PDGFRA: variants seen among roughly 807,000 people sequenced by gnomAD.
The protein encoded by PDGFRA is platelet derived growth factor receptor alpha.
A neutral mutation model predicts 121.5 loss-of-function variants in PDGFRA; 25 were observed. That is an observed-to-expected ratio of 0.21 (90% CI 0.15 to 0.29). The LOEUF is 0.29. PDGFRA is among the 10% of genes least tolerant of loss of function. PDGFRA has a pLI of 1.00. For missense variants in PDGFRA, 1,008 were observed against 1,345.1 expected (o/e 0.75, Z 3.92); for synonymous variants, 463 against 494.8 (o/e 0.94, Z 0.85).
rs1577741455 is a variant in PDGFRA, at chr4:54,285,391, C to G, written c.2344C>G (p.Leu782Val). Residue 782 changes from leucine (L) to valine (V), a missense_variant, in exon 17 of 23, where the codon CTT (leucine) becomes GTT (valine). Leu to Val is a conservative substitution (Grantham distance 32). Transcript: ENST00000257290. ...SMLDSEVKNL[L>V]SDDNSEGLTL... ...TGCAGACTCAGAAGTCAAAAACCTC[C>G]TTTCAGATGATAACTCAGAAGGCCT... is the stretch of plus-strand genomic sequence containing the variant. 1 of 1,497,768 alleles carries G rather than the reference C, an allele frequency of 6.7e-7. No homozygotes were observed. The highest frequency in any genetic ancestry group is 9.3e-7 in the Non-Finnish European group (1 of 1,073,642). 92.8% of individuals were successfully genotyped at this position (1,497,768 alleles called of 1,614,324 possible). A position where few individuals can be genotyped will look rare whatever the true frequency, so the allele number is the denominator to read the frequency against.
At chr4:54,271,411 C>T (rs946758621) in intron 8 of PDGFRA, among the ~76,000 whole-genome samples, 4 of 152,302 alleles carry the variant, frequency 2.6e-5, no homozygotes, top group African/African-American at 9.6e-5. Context: ...AATAACATAC[C>T]ACAGATGCAT....
chr4:54,234,990 G>A (rs1253438943), intron 1 of PDGFRA, among the ~76,000 whole-genome samples: 1 of 152,108 alleles, frequency 6.6e-6, no homozygotes, highest in African/African-American at 2.4e-5. Context: ...ATGGAGCTCC[G>A]GGAGATCAAA....
chr4:54,258,387 A>C (rs1168778585), intron 1 of PDGFRA, among the ~76,000 whole-genome samples: 1 of 152,176 alleles, frequency 6.6e-6, no homozygotes, highest in Non-Finnish European at 1.5e-5. Flanking sequence ...AAAGTTGTAG[A>C]GAGTGTGACC....
intron 1 of PDGFRA, among the ~76,000 whole-genome samples, chr4:54,245,106 A>G (rs1721558542): frequency 6.6e-6 from 1 of 152,380 alleles, no homozygotes; most frequent in Admixed American, 6.5e-5. Context: ...TGTACCTGAA[A>G]GTGACGGGGA....
chr4:54,237,161 G>A (rs1212852803), intron 1 of PDGFRA, among the ~76,000 whole-genome samples: 1 of 152,106 alleles, frequency 6.6e-6, no homozygotes, highest in African/African-American at 2.4e-5. Context: ...GTAGAGATGG[G>A]GTTTCATCAT....
At chr4:54,237,175 G>A (rs759852231) in intron 1 of PDGFRA, among the ~76,000 whole-genome samples, 5 of 152,046 alleles carry the variant, frequency 3.3e-5, no homozygotes, top group Non-Finnish European at 5.9e-5. Flanking sequence ...TCATCATGTC[G>A]GCCAGGATGG....
chr4:54,253,337 T>C (rs1722169159), intron 1 of PDGFRA, among the ~76,000 whole-genome samples: 1 of 152,238 alleles, frequency 6.6e-6, no homozygotes, highest in South Asian at 2.1e-4. Flanking sequence ...CAGACCTTAC[T>C]AGTCGTGCTT....
At chr4:54,245,243 A>G (rs1721571044) in intron 1 of PDGFRA, among the ~76,000 whole-genome samples, 1 of 152,182 alleles carries the variant, frequency 6.6e-6, no homozygotes, top group African/African-American at 2.4e-5. Flanking sequence ...CCTCGAGAAG[A>G]GCAACTCCAA....
At position 54,285,415 on chromosome 4, in the gene PDGFRA, CT is replaced by C; in HGVS notation, c.2370del (p.Thr791LeufsTer6). 6.3e-7 allele frequency: 1 copy of C among 1,581,354 alleles called. No individual in the cohort carries two copies. Among genetic ancestry groups the C allele is most frequent in the Non-Finnish European group, 8.7e-7 (1 of 1,150,292 alleles). On this transcript the variant is annotated frameshift_variant, in exon 17 of 23. Coordinates refer to ENST00000257290, the MANE Select transcript of PDGFRA (RefSeq NM_006206.6). LOFTEE classifies it high-confidence loss of function. ...CCTTTCAGATGATAACTCAGAAGGC[CT>C]TACTTTATTGGATTTGTTGAGCTTC... ...NLLSDDNSEG[L>X]TLLDLLSFTY...
chr4:54,235,560 G>A (rs1162677295), intron 1 of PDGFRA, among the ~76,000 whole-genome samples: 1 of 152,232 alleles, frequency 6.6e-6, no homozygotes, highest in Non-Finnish European at 1.5e-5. Flanking sequence ...TTCTGTGACT[G>A]TATATATTGG....
In PDGFRA at chr4:54,278,011, G is replaced by C. The variant is rs1723833621; in HGVS notation, c.2002+5G>C. The stretch of plus-strand genomic sequence containing the variant: ...TGGGAGCCTGCACCAAGTCAGGTGG[G>C]CTCACTGACCTGGAGTGAGGATTTT... On this transcript the variant is annotated splice_donor_5th_base_variant and intron_variant, in intron 14 of 22. Transcript: ENST00000257290. 1 of 1,553,576 alleles carries C rather than the reference G, an allele frequency of 6.4e-7. No homozygotes were observed. The highest frequency in any genetic ancestry group is 8.9e-7 in the Non-Finnish European group (1 of 1,124,800).
intron 2 of PDGFRA, 94 bp from the exon 3 acceptor site, chr4:54,261,001 G>T (rs1391474349): frequency 4.5e-6 from 5 of 1,122,936 alleles, no homozygotes; most frequent in Non-Finnish European, 6.6e-6. Flanking sequence ...AATGGTCATT[G>T]TTCATCTAAG....
rs9993826 is a variant in PDGFRA, at chr4:54,258,660, T to G, written c.-12-97T>G. 1.2e-3 allele frequency: 967 copies of G among 809,110 alleles called. 7 individuals carry two copies. In the African/African-American group the frequency reaches 0.014, roughly 12 times the overall value. 50.1% of individuals were successfully genotyped at this position (809,110 alleles called of 1,614,324 possible). A position where few individuals can be genotyped will look rare whatever the true frequency, so the allele number is the denominator to read the frequency against. ...GGGACATGTTTGACTAAAATGATGC[T>G]GTTAATATTTTCTGTTGTGCAAAAC... On this transcript the variant is annotated intron_variant, in intron 1 of 22. Transcript: ENST00000257290.
At position 54,274,604 on chromosome 4, in the gene PDGFRA, C is replaced by A. The variant is rs748519030; in HGVS notation, c.1632C>A (p.Val544=). ...LLVIVIISLI[V]LVVIWKQKPR... is the part of the protein sequence containing the mutation. ...TGATTGTGATCATCTCACTTATTGTCCTGGTTGTCATTTGGAAACAGGTAG... is the reference window on the plus strand; with the variant it reads ...TGATTGTGATCATCTCACTTATTGTACTGGTTGTCATTTGGAAACAGGTAG... Residue 544 remains valine (V), a synonymous_variant, in exon 11 of 23, where the codon GTC becomes GTA. Transcript: ENST00000257290. 1.2e-6 allele frequency: 2 copies of A among 1,613,156 alleles called. No homozygotes were observed. Among genetic ancestry groups the A allele is most frequent in the East Asian group, 2.2e-5 (1 of 44,882 alleles).
At chr4:54,257,857 T>C (rs920507933) in intron 1 of PDGFRA, among the ~76,000 whole-genome samples, 8 of 152,298 alleles carry the variant, frequency 5.3e-5, no homozygotes, top group African/African-American at 1.9e-4. Flanking sequence ...CTCTTTTAAT[T>C]TTCTTTTCCC....
chr4:54,258,217 G>T (rs1040581688), intron 1 of PDGFRA, among the ~76,000 whole-genome samples: 1 of 152,110 alleles, frequency 6.6e-6, no homozygotes, highest in Non-Finnish European at 1.5e-5. Context: ...AAGGGTTCCT[G>T]CAAGAACCCC....
intron 1 of PDGFRA, among the ~76,000 whole-genome samples, chr4:54,234,716 T>C (rs772409023): frequency 6.6e-6 from 1 of 152,114 alleles, no homozygotes; most frequent in Non-Finnish European, 1.5e-5. Context: ...TGGGGGGGCA[T>C]TGATGTTCCC....
intron 1 of PDGFRA, among the ~76,000 whole-genome samples, chr4:54,251,925 A>G (rs896720177): frequency 3.9e-5 from 6 of 152,250 alleles, no homozygotes; most frequent in Non-Finnish European, 8.8e-5. Context: ...ATCAGGCCAA[A>G]TTTCATAAGA....
rs779919662 is a variant in PDGFRA, at chr4:54,277,985, C to T, written c.1981C>T (p.Leu661=). ...LGPHLNIVNL[L]GACTKSGPIY... Reference sequence around the variant, plus strand: ...GCCACATTTGAACATTGTAAACTTGCTGGGAGCCTGCACCAAGTCAGGTGG... The same window carrying T: ...GCCACATTTGAACATTGTAAACTTGTTGGGAGCCTGCACCAAGTCAGGTGG... The change falls in exon 14 of 23, where the codon CTG becomes TTG. Residue 661 remains leucine, a synonymous_variant. Coordinates refer to ENST00000257290, the MANE Select transcript of PDGFRA (RefSeq NM_006206.6). 6.2e-7 allele frequency: 1 copy of T among 1,610,604 alleles called. No individual in the cohort carries two copies. Among genetic ancestry groups the T allele is most frequent in the Non-Finnish European group, 8.5e-7 (1 of 1,176,816 alleles).
Sources: allele counts gnomAD v4.1 joint callset (sites outside exome capture counted in the v4.1 genomes callset), GRCh38; gene constraint gnomAD v4.1.1; transcripts MANE v1.5; gene names NCBI Gene and HGNC (gene_info 2026-07-23, HGNC 2026-07-21).